Variants in MARK2 observed in about 807,000 individuals in gnomAD.
MARK2 encodes serine/threonine-protein kinase MARK2.
In MARK2, 16 loss-of-function variants were observed where a neutral mutation model predicts 89.8. The observed-to-expected ratio is 0.18, with a 90% CI of 0.12 to 0.27. MARK2 has a LOEUF of 0.27. MARK2 is among the 10% of genes least tolerant of loss of function. MARK2 has a pLI of 1.00. For missense variants in MARK2, 621 were observed against 1,049.9 expected (o/e 0.59, Z 5.65); for synonymous variants, 382 against 399.5 (o/e 0.96, Z 0.52).
At chr11:63,853,567 T>A (rs527367245) in intron 1 of MARK2, among the ~76,000 whole-genome samples, 1 of 152,346 alleles carries the variant, frequency 6.6e-6, no homozygotes, top group African/African-American at 2.4e-5. Context: ...CAGCAGCAGA[T>A]ACAAATGGTG....
intron 1 of MARK2, among the ~76,000 whole-genome samples, chr11:63,875,513 A>G (rs1156776017): frequency 6.6e-6 from 1 of 152,118 alleles, no homozygotes; most frequent in Non-Finnish European, 1.5e-5. Flanking sequence ...CAGCCTCCCA[A>G]AGTGCTGGGA....
At chr11:63,895,726 A>G (rs1940337621) in intron 3 of MARK2, 93 bp downstream of exon 3, 2 of 1,137,348 alleles carry the variant, frequency 1.8e-6, no homozygotes, top group South Asian at 1.3e-5. Context: ...CTGGAGTGCA[A>G]TGGTGTGATC....
At chr11:63,871,483 C>G (rs1201457373) in intron 1 of MARK2, among the ~76,000 whole-genome samples, 32 of 135,750 alleles carry the variant, frequency 2.4e-4, no homozygotes, top group African/African-American at 6.1e-4. Flanking sequence ...GCAGGTGTGG[C>G]TGAAGAGTAT....
At chr11:63,859,806 AT>A (rs1434297819) in intron 1 of MARK2, among the ~76,000 whole-genome samples, 2 of 151,568 alleles carry the variant, frequency 1.3e-5, no homozygotes, top group African/African-American at 4.9e-5. Context: ...TTATTTTTGT[AT>A]TTTTAGTAGA....
At chr11:63,870,794 G>C (rs1322568754) in intron 1 of MARK2, among the ~76,000 whole-genome samples, 1 of 152,194 alleles carries the variant, frequency 6.6e-6, no homozygotes, top group African/African-American at 2.4e-5. Context: ...CTGAGCTGAG[G>C]CTCACCACAA....
At position 63,839,575 on chromosome 11, in the gene MARK2, G is replaced by A. The variant is rs369977095; in HGVS notation, c.54+15G>A. On this transcript the variant is annotated intron_variant, in intron 1 of 18. Coordinates refer to ENST00000402010, the MANE Select transcript of MARK2 (RefSeq NM_001039469.3). ...ACACGGAGCAGGTAAGGAGCCCCGA[G>A]GGCTCCCCGAATTCTCTGGCTGGGC... The A allele has an allele frequency of 6.6e-7, 1 of 1,514,382 alleles. No individual in the cohort carries two copies. Among genetic ancestry groups the A allele is most frequent in the Non-Finnish European group, 8.9e-7 (1 of 1,122,374 alleles). The allele number at this position is 1,514,382 out of a possible 1,614,324, so 93.8% of individuals were successfully genotyped here.
chr11:63,877,100 CTTTTTT>C (rs757123411), intron 1 of MARK2, among the ~76,000 whole-genome samples: 1 of 79,472 alleles, frequency 1.3e-5, no homozygotes. Context: ...CAATCAGACT[CTTTTTT>C]TTTTTTTTTT....
chr11:63,858,707 C>T lies in MARK2; in HGVS notation c.54+19147C>T, dbSNP rs147663828. On this transcript the variant is annotated intron_variant, in intron 1 of 18. Transcript: ENST00000402010. ...TAGCTATCACCCACATGAAGAAAGC[C>T]ATTTGACGTCATCAGTAAGAGTAAA... Among the ~76,000 whole-genome samples the T allele has an allele frequency of 1.5e-3, 236 of 152,274 alleles. 2 individuals are homozygous for T. The highest frequency in any genetic ancestry group is 0.011 in the South Asian group (52 of 4,814).
At chr11:63,844,909 A>AAG (rs1473585836) in intron 1 of MARK2, among the ~76,000 whole-genome samples, 3 of 152,188 alleles carry the variant, frequency 2.0e-5, no homozygotes. Flanking sequence ...TGAGGTTCCT[A>AAG]CTTATGTATT....
Position 63,900,054 on chromosome 11 carries a change from G to A in MARK2, c.712G>A (p.Val238Ile). 1 of 1,614,212 alleles carries A rather than the reference G, an allele frequency of 6.2e-7. No homozygotes were observed. The highest frequency in any genetic ancestry group is 8.5e-7 in the Non-Finnish European group (1 of 1,180,038). ...GPEVDVWSLG[V>I]ILYTLVSGSL... ...CGAGGTGGATGTGTGGAGCCTAGGA[G>A]TTATCCTCTATACACTGGTCAGCGG... Residue 238 changes from valine to isoleucine, a missense_variant, in exon 8 of 19, where the codon GTT becomes ATT. By Grantham distance (29) the Val-to-Ile change is conservative. Transcript: ENST00000402010. This position sits in a 1 kb window ranked among gnomAD's most constrained non-coding sequence, Gnocchi z 4.7.
intron 1 of MARK2, among the ~76,000 whole-genome samples, chr11:63,853,392 T>G (rs1237719464): frequency 8.0e-6 from 1 of 125,546 alleles, no homozygotes; most frequent in African/African-American, 3.0e-5. Flanking sequence ...AGAGCGAAAC[T>G]AAAAAAAAAA....
At chr11:63,884,066 T>C (rs224171) in intron 1 of MARK2, among the ~76,000 whole-genome samples, 152,335 of 152,364 alleles carry the variant, frequency 1, 76,153 homozygotes, top group Middle Eastern at 1. Context: ...TTTACCTCTT[T>C]TAAGTTTCTG....
intron 1 of MARK2, among the ~76,000 whole-genome samples, chr11:63,850,554 A>AT (rs2016524541): frequency 6.6e-6 from 1 of 151,902 alleles, no homozygotes; most frequent in African/African-American, 2.4e-5. Context: ...CTTTTAGCTC[A>AT]TTTTTTATAA....
In MARK2 at chr11:63,890,284, A is replaced by T. The variant is rs754273498; in HGVS notation, c.55-4875A>T. 4 of 1,344,568 alleles carry T rather than the reference A, an allele frequency of 3.0e-6. No homozygotes were observed. In the African/African-American group the frequency reaches 5.9e-5, roughly 20 times the overall value. 83.3% of individuals were successfully genotyped at this position (1,344,568 alleles called of 1,614,324 possible). ...GGGAAACATCTTACAGCATAGAAGA[A>T]GGGGTGCAGGGGTAAGTAAGGGAAG... On this transcript the variant is annotated intron_variant, in intron 1 of 18. Transcript: ENST00000402010.
At position 63,849,212 on chromosome 11, in the gene MARK2, G is replaced by A. The variant is rs139652519; in HGVS notation, c.54+9652G>A. ...TCACCCCATCACTCCCTACTTCTCC[G>A]CCACAGAAGACTGTCATTGGCTATC... On this transcript the variant is annotated intron_variant, in intron 1 of 18. Transcript: ENST00000402010. 2.9e-4 allele frequency among the ~76,000 whole-genome samples: 44 copies of A among 152,236 alleles called. No homozygotes were observed. In the East Asian group the frequency reaches 6.6e-3, roughly 23 times the overall value.
rs147870474 is a variant in MARK2 at position 63,898,355 on chromosome 11, G to A, written c.337+75G>A. 1.7e-4 allele frequency: 242 copies of A among 1,397,710 alleles called. No homozygotes were observed. In the African/African-American group the frequency reaches 2.2e-3, roughly 13 times the overall value. The allele number at this position is 1,397,710 out of a possible 1,614,324, so 86.6% of individuals were successfully genotyped here. ...CTTTCCAGCATGTCATCTTCTCCCC[G>A]AGGTGCACTGCCTTCTGGAGTCTGC... is the stretch of plus-strand genomic sequence containing the variant. On this transcript the variant is annotated intron_variant, in intron 4 of 18. Coordinates refer to ENST00000402010, the MANE Select transcript of MARK2 (RefSeq NM_001039469.3).
intron 1 of MARK2, among the ~76,000 whole-genome samples, chr11:63,857,626 C>A (rs1430243138): frequency 6.6e-6 from 1 of 152,176 alleles, no homozygotes; most frequent in African/African-American, 2.4e-5. Flanking sequence ...TGAGTTTACT[C>A]ATGTTCTGTT....
chr11:63,903,185 C>T lies in MARK2; in HGVS notation c.1514+27C>T, dbSNP rs745476856. ...TGAGAGACCCGGGCCCTGCCTGCCTCACTCCCTAGGAGCCATGTCTCACAG... is the reference window on the plus strand; with the variant it reads ...TGAGAGACCCGGGCCCTGCCTGCCTTACTCCCTAGGAGCCATGTCTCACAG... On this transcript the variant is annotated intron_variant, in intron 14 of 18. Coordinates refer to ENST00000402010, the MANE Select transcript of MARK2 (RefSeq NM_001039469.3). The surrounding 1 kb of genome is among the most constrained non-coding windows in gnomAD (Gnocchi z 5.1). The T allele has an allele frequency of 4.5e-6, 7 of 1,547,798 alleles. No homozygotes were observed. The highest frequency in any genetic ancestry group is 3.3e-5 in the South Asian group (3 of 89,700).
chr11:63,886,636 C>G (rs553879231), intron 1 of MARK2, among the ~76,000 whole-genome samples: 2 of 152,184 alleles, frequency 1.3e-5, no homozygotes, highest in Admixed American at 6.5e-5. Context: ...GTTGCTTAGG[C>G]TGGTCTCGAA....
Sources: gnomAD v4.1 joint callset for allele counts (sites outside exome capture counted in the v4.1 genomes callset) on GRCh38, gnomAD v4.1.1 for gene constraint, Gnocchi (gnomAD v3.1) non-coding constraint, MANE v1.5 for transcripts, NCBI Gene and HGNC (gene_info 2026-07-23, HGNC 2026-07-21) for gene names.